The following MAP4K4 variants were observed in gnomAD, a reference collection of about 807,000 sequenced individuals.
MAP4K4 encodes the protein mitogen-activated protein kinase kinase kinase kinase 4.
Under a neutral mutation model 189.6 loss-of-function variants are expected in MAP4K4, and 38 were observed. The ratio of observed to expected loss-of-function variants is 0.20; its 90% CI spans 0.15 to 0.26. The LOEUF is 0.26. Among genes scored for constraint, MAP4K4 ranks in the 10% least tolerant of loss-of-function variants. The pLI is 1.00. For missense variants in MAP4K4, 1,054 were observed against 1,726.9 expected (o/e 0.61, Z 6.91); for synonymous variants, 610 against 624.3 (o/e 0.98, Z 0.34).
chr2:101,704,665 C>T (rs1175592664), intron 2 of MAP4K4, among the ~76,000 whole-genome samples: 1 of 144,374 alleles, frequency 6.9e-6, no homozygotes, highest in Non-Finnish European at 1.5e-5. Context: ...CTCTGCCTCC[C>T]AGGTTCAAGC....
intron 2 of MAP4K4, among the ~76,000 whole-genome samples, chr2:101,713,114 A>C (rs1422431912): frequency 6.6e-6 from 1 of 151,248 alleles, no homozygotes; most frequent in Admixed American, 6.6e-5. Context: ...CATGTTGGCC[A>C]GACTGATCTC....
At chr2:101,839,149 T>G (rs569980291) in intron 9 of MAP4K4, among the ~76,000 whole-genome samples, 7 of 152,348 alleles carry the variant, frequency 4.6e-5, no homozygotes, top group Admixed American at 4.6e-4. Flanking sequence ...TAAGAGTGTC[T>G]TGACCAAGGC....
intron 2 of MAP4K4, among the ~76,000 whole-genome samples, chr2:101,717,583 G>A (rs910541174): frequency 2.0e-5 from 3 of 152,236 alleles, no homozygotes; most frequent in Middle Eastern, 3.4e-3. Context: ...TAGAGGAAAC[G>A]GCCTGAACTC....
intron 3 of MAP4K4, among the ~76,000 whole-genome samples, chr2:101,822,508 T>C (rs1371866192): frequency 6.6e-6 from 1 of 152,256 alleles, no homozygotes; most frequent in Admixed American, 6.5e-5. Flanking sequence ...AGCAGTAATG[T>C]ATAACTGAAG....
At chr2:101,724,816 G>A (rs983702018) in intron 2 of MAP4K4, among the ~76,000 whole-genome samples, 1 of 152,168 alleles carries the variant, frequency 6.6e-6, no homozygotes, top group Non-Finnish European at 1.5e-5. Context: ...GCATAGCCAG[G>A]TTTGGGAAGT....
chr2:101,816,744 GCTAAGGT>G (rs1323060730), intron 3 of MAP4K4, among the ~76,000 whole-genome samples: 1 of 152,166 alleles, frequency 6.6e-6, no homozygotes, highest in East Asian at 1.9e-4. Flanking sequence ...TGACCATGAG[GCTAAGGT>G]CAGAGTGGTG....
intron 3 of MAP4K4, among the ~76,000 whole-genome samples, chr2:101,820,324 G>C (rs1444201519): frequency 6.6e-6 from 1 of 152,148 alleles, no homozygotes; most frequent in African/African-American, 2.4e-5. Flanking sequence ...GGTAGGCAAA[G>C]GTAAGGGTGG....
chr2:101,803,245 ATGTGTGTGTG>A (rs6146862), intron 3 of MAP4K4, among the ~76,000 whole-genome samples: 9,782 of 150,350 alleles, frequency 0.065, 386 homozygotes, highest in East Asian at 0.12. Flanking sequence ...GATGATGATG[ATGTGTGTGTG>A]TGTGTGTGTA....
chr2:101,735,721 G>A (rs1232992419), intron 2 of MAP4K4, among the ~76,000 whole-genome samples: 1 of 152,172 alleles, frequency 6.6e-6, no homozygotes, highest in South Asian at 2.1e-4. Flanking sequence ...TAGTAGGGTG[G>A]GTCCCATGGA....
At chr2:101,856,050 G>T (rs1211622113) in exon 13 of MAP4K4, 2 of 1,551,812 alleles carry the variant, frequency 1.3e-6, no homozygotes, top group South Asian at 2.4e-5. Flanking sequence ...GAAGAAAAGA[G>T]GCGTCTAGAG....
At chr2:101,847,637 C>G (rs1242003785) in intron 12 of MAP4K4, among the ~76,000 whole-genome samples, 2 of 151,726 alleles carry the variant, frequency 1.3e-5, no homozygotes, top group Non-Finnish European at 1.5e-5. Flanking sequence ...AAAATATTTT[C>G]TACAGATTTA....
intron 8 of MAP4K4, 53 bp from the exon 9 acceptor site, chr2:101,835,847 T>C: frequency 1.6e-6 from 2 of 1,212,836 alleles, no homozygotes; most frequent in Non-Finnish European, 2.4e-6. Context: ...ACCCTAGAAA[T>C]CAAGAATGAG....
chr2:101,829,687 T>C, intron 6 of MAP4K4, 93 bp downstream of exon 6: 1 of 821,028 alleles, frequency 1.2e-6, no homozygotes, highest in Non-Finnish European at 2.0e-6. Context: ...AAAAGTTCAG[T>C]CTTACCCATG....
Position 101,802,786 on chromosome 2 carries a change from TTGTC to T in MAP4K4, c.180+12014_180+12017del, listed in dbSNP as rs1214303979. On this transcript the variant is annotated intron_variant, in intron 3 of 32. Transcript: ENST00000324219. ...CCTCCATACATAGTGACAATGATCT[TTGTC>T]TGTTTTTTTTTTGAGATGGAGTTTT... 8.5e-5 allele frequency among the ~76,000 whole-genome samples: 13 copies of T among 152,124 alleles called. No individual in the cohort carries two copies. In the East Asian group the frequency reaches 2.5e-3, roughly 29 times the overall value.
At chr2:101,746,564 G>T (rs923308760) in intron 2 of MAP4K4, among the ~76,000 whole-genome samples, 2 of 152,022 alleles carry the variant, frequency 1.3e-5, no homozygotes, top group African/African-American at 4.8e-5. Context: ...TTTTAATTTT[G>T]TGGGATTACT....
chr2:101,698,363 G>T, intron 1 of MAP4K4, 110 bp from the exon 2 acceptor site: 1 of 1,095,006 alleles, frequency 9.1e-7, no homozygotes, highest in Non-Finnish European at 1.4e-6. Context: ...GACCGCGCGG[G>T]GCGAAGCCCA....
At chr2:101,829,874 T>C in intron 6 of MAP4K4, 1 of 275,104 alleles carries the variant, frequency 3.6e-6, no homozygotes, top group East Asian at 7.1e-5. Context: ...AATGGCTTCC[T>C]ATTTTACTTT....
At chr2:101,757,041 G>C (rs192099230) in intron 2 of MAP4K4, among the ~76,000 whole-genome samples, 1 of 152,224 alleles carries the variant, frequency 6.6e-6, no homozygotes, top group Non-Finnish European at 1.5e-5. Context: ...GGGTTTGTTG[G>C]ACTTCTAAGG....
At chr2:101,767,876 G>A (rs1006970299) in intron 2 of MAP4K4, among the ~76,000 whole-genome samples, 5 of 152,160 alleles carry the variant, frequency 3.3e-5, no homozygotes, top group African/African-American at 1.2e-4. Context: ...TATTGCTTGT[G>A]TTCAGATCTG....
Sources: allele counts gnomAD v4.1 joint callset (sites outside exome capture counted in the v4.1 genomes callset), GRCh38; gene constraint gnomAD v4.1.1; transcripts MANE v1.5; gene names NCBI Gene and HGNC (gene_info 2026-07-23, HGNC 2026-07-21).